The following MPDZ variants were observed in gnomAD, a reference collection of about 807,000 sequenced individuals.
MPDZ encodes the protein multiple PDZ domain crumbs cell polarity complex component.
MPDZ carries 234 observed loss-of-function variants against 239.1 expected under a neutral mutation model. The ratio of observed to expected loss-of-function variants is 0.98; its 90% CI spans 0.88 to 1.09. The LOEUF (loss-of-function observed/expected upper bound fraction) is 1.09. Among genes scored for constraint, MPDZ ranks in the 50% least tolerant of loss-of-function variants. The pLI, the probability that MPDZ is intolerant of heterozygous loss-of-function variation, is 0.00. For synonymous variants in MPDZ, 1,048 were observed against 881.3 expected, an observed-to-expected ratio of 1.19 and a Z score of -3.35; for missense variants, 3,175 against 2,510.0, an observed-to-expected ratio of 1.26 and a Z score of -5.66.
At chr9:13,140,204 A>G in intron 27 of MPDZ, 55 bp from the exon 28 acceptor site, 1 of 1,544,116 alleles carries the variant, frequency 6.5e-7, no homozygotes. Context: ...AGAAAACTTC[A>G]AGAAGAAGAA....
intron 3 of MPDZ, among the ~76,000 whole-genome samples, chr9:13,231,857 C>T (rs530308981): frequency 2.2e-3 from 334 of 152,146 alleles, no homozygotes; most frequent in Non-Finnish European, 4.2e-3. Context: ...ATGTTAACAA[C>T]TCAATTCAAA....
At chr9:13,276,640 C>G (rs1974272530) in intron 1 of MPDZ, 1 of 152,204 alleles carries the variant, frequency 6.6e-6, no homozygotes, top group Admixed American at 6.5e-5. Context: ...GGATCTTTCT[C>G]TGGCAGATGT....
At chr9:13,237,670 C>T (rs1964416908) in intron 3 of MPDZ, among the ~76,000 whole-genome samples, 1 of 151,906 alleles carries the variant, frequency 6.6e-6, no homozygotes, top group South Asian at 2.1e-4. Flanking sequence ...CAAAGTAAGC[C>T]TGTCACTTCA....
intron 10 of MPDZ, among the ~76,000 whole-genome samples, chr9:13,208,066 T>C (rs1957187678): frequency 6.6e-6 from 1 of 152,228 alleles, no homozygotes; most frequent in Non-Finnish European, 1.5e-5. Context: ...AAATGTTTAC[T>C]AAGTTAGAAA....
intron 16 of MPDZ, among the ~76,000 whole-genome samples, chr9:13,189,405 T>TGAAG (rs985583825): frequency 6.6e-6 from 1 of 152,076 alleles, no homozygotes; most frequent in African/African-American, 2.4e-5. Flanking sequence ...ATAAGTGCAC[T>TGAAG]GAAGGTAGGA....
intron 19 of MPDZ, among the ~76,000 whole-genome samples, chr9:13,177,123 T>C (rs976753992): frequency 1.3e-5 from 2 of 152,098 alleles, no homozygotes; most frequent in African/African-American, 4.8e-5. Context: ...AATTGTAGAG[T>C]TCTATATAAA....
intron 1 of MPDZ, among the ~76,000 whole-genome samples, chr9:13,267,587 A>C (rs1972058569): frequency 6.6e-6 from 1 of 152,252 alleles, no homozygotes; most frequent in Non-Finnish European, 1.5e-5. Context: ...AATGAATTTG[A>C]AAATTGCAAA....
chr9:13,160,830 T>TTATACA (rs1161748804), intron 23 of MPDZ, among the ~76,000 whole-genome samples: 4 of 37,978 alleles, frequency 1.1e-4, no homozygotes, highest in Non-Finnish European at 1.1e-4. Context: ...ATTATTAAAA[T>TTATACA]TATATATATA....
At chr9:13,147,963 C>A (rs1241171626) in intron 25 of MPDZ, among the ~76,000 whole-genome samples, 2 of 151,958 alleles carry the variant, frequency 1.3e-5, no homozygotes, top group African/African-American at 4.8e-5. Flanking sequence ...AAATCAGTAT[C>A]ATTAACAAAA....
chr9:13,157,775 GA>G (rs756653991), intron 24 of MPDZ, among the ~76,000 whole-genome samples: 37 of 152,026 alleles, frequency 2.4e-4, no homozygotes, highest in Non-Finnish European at 4.9e-4. Flanking sequence ...AACTACCTAT[GA>G]ATAATTTTCT....
rs1942308452 is a variant in MPDZ at position 13,110,707 on chromosome 9, A to G, written c.5758T>C (p.Ser1920Pro). 1 of 1,613,596 alleles carries G rather than the reference A, an allele frequency of 6.2e-7. No individual in the cohort carries two copies. Among genetic ancestry groups the G allele is most frequent in the Non-Finnish European group, 8.5e-7 (1 of 1,179,738 alleles). ...TGGGTGTGAGTCATGCCCTCAGTGG[A>G]TGTGCCACAGATGGTGACAATCCTA... ...GDRIVTICGT[S>P]TEGMTHTQAV... is the part of the protein sequence containing the mutation. Residue 1920 changes from serine (S) to proline (P), a missense_variant, in exon 44 of 47, where the codon TCC becomes CCC. Ser to Pro is a moderately conservative substitution (Grantham distance 74, BLOSUM62 -1). Coordinates refer to ENST00000319217, the MANE Select transcript of MPDZ (RefSeq NM_001378778.1).
At chr9:13,219,789 T>A in intron 7 of MPDZ, 21 bp from the exon 8 acceptor site, 4 of 1,603,050 alleles carry the variant, frequency 2.5e-6, no homozygotes, top group South Asian at 1.1e-5. Context: ...CAATATTGAA[T>A]AATTAGACTA....
intron 32 of MPDZ, among the ~76,000 whole-genome samples, chr9:13,128,271 C>T (rs918219387): frequency 6.6e-6 from 1 of 152,200 alleles, no homozygotes; most frequent in Non-Finnish European, 1.5e-5. Flanking sequence ...AATTTCACAG[C>T]TAGGTCAAAA....
At chr9:13,178,857 T>C (rs572581286) in intron 19 of MPDZ, among the ~76,000 whole-genome samples, 1 of 152,336 alleles carries the variant, frequency 6.6e-6, no homozygotes, top group African/African-American at 2.4e-5. Context: ...CATTCTCTTG[T>C]GCTTTTGCGT....
At chr9:13,261,367 T>A (rs752940943) in intron 1 of MPDZ, among the ~76,000 whole-genome samples, 2 of 152,178 alleles carry the variant, frequency 1.3e-5, no homozygotes, top group Non-Finnish European at 2.9e-5. Context: ...GCCAGAGGTA[T>A]GTTGTATGAA....
chr9:13,107,391 G>C (rs745406869), intron 46 of MPDZ, among the ~76,000 whole-genome samples: 1 of 152,170 alleles, frequency 6.6e-6, no homozygotes, highest in Non-Finnish European at 1.5e-5. Flanking sequence ...CAGTTGGTGG[G>C]AACACAAATT....
chr9:13,207,328 C>T (rs1435885268), intron 10 of MPDZ, among the ~76,000 whole-genome samples: 1 of 152,100 alleles, frequency 6.6e-6, no homozygotes, highest in Non-Finnish European at 1.5e-5. Flanking sequence ...AAATTCTCAA[C>T]GTGGCTTAGA....
At chr9:13,136,287 AC>A in intron 30 of MPDZ, 105 bp from the exon 31 acceptor site, 1 of 523,278 alleles carries the variant, frequency 1.9e-6, no homozygotes. Context: ...AACCCCCAAA[AC>A]CTGGAACTGT....
At chr9:13,132,328 G>A (rs1946118795) in intron 32 of MPDZ, among the ~76,000 whole-genome samples, 1 of 152,168 alleles carries the variant, frequency 6.6e-6, no homozygotes, top group African/African-American at 2.4e-5. Flanking sequence ...GGGATTAAGT[G>A]ATTTATAGGC....
Sources: gnomAD v4.1 joint callset for allele counts (sites outside exome capture counted in the v4.1 genomes callset) on GRCh38, gnomAD v4.1.1 for gene constraint, MANE v1.5 for transcripts, NCBI Gene and HGNC (gene_info 2026-07-23, HGNC 2026-07-21) for gene names.